FGF14: variants seen among roughly 807,000 people sequenced by gnomAD.
FGF14 encodes fibroblast growth factor homologous factor 4.
FGF14 carries 5 observed loss-of-function variants against 25.5 expected under a neutral mutation model. The ratio of observed to expected loss-of-function variants is 0.20; its 90% CI spans 0.10 to 0.41. FGF14 has a LOEUF of 0.41. FGF14 is among the 10% of genes least tolerant of loss of function. FGF14 has a pLI of 1.00. For synonymous variants in FGF14, 138 were observed against 118.3 expected (o/e 1.17, Z -1.08); for missense variants, 222 against 320.1 (o/e 0.69, Z 2.34).
intron 1 of FGF14, among the ~76,000 whole-genome samples, chr13:101,884,632 G>A (rs1374165405): frequency 2.6e-5 from 4 of 152,002 alleles, no homozygotes; most frequent in Admixed American, 2.0e-4. Flanking sequence ...TAGCTATCCT[G>A]TGTAAGAATC....
intron 3 of FGF14, among the ~76,000 whole-genome samples, chr13:101,848,626 C>A (rs1056378738): frequency 4.0e-5 from 6 of 151,820 alleles, no homozygotes; most frequent in African/African-American, 1.2e-4. Flanking sequence ...GAGACTATAA[C>A]CATGAAAGTC....
At chr13:101,801,551 CA>C (rs1470677740) in intron 3 of FGF14, among the ~76,000 whole-genome samples, 2 of 152,128 alleles carry the variant, frequency 1.3e-5, no homozygotes, top group Non-Finnish European at 2.9e-5. Flanking sequence ...TCATTTCTTG[CA>C]GACCCATGTG....
At chr13:102,273,550 T>C (rs559036432) in intron 1 of FGF14, among the ~76,000 whole-genome samples, 1 of 152,336 alleles carries the variant, frequency 6.6e-6, no homozygotes, top group African/African-American at 2.4e-5. Flanking sequence ...TAAAAAATAG[T>C]TACATTTTCA....
chr13:101,812,653 A>ATTTTTT (rs869237724), intron 3 of FGF14, among the ~76,000 whole-genome samples: 2 of 11,612 alleles, frequency 1.7e-4, no homozygotes, highest in African/African-American at 2.8e-4. Flanking sequence ...ATATATATAT[A>ATTTTTT]TTTTTTTTTT....
intron 3 of FGF14, among the ~76,000 whole-genome samples, chr13:101,739,567 G>A (rs2149258): frequency 0.27 from 40,628 of 151,978 alleles, 6,042 homozygotes; most frequent in East Asian, 0.49. Context: ...GCAGCGTGAA[G>A]AATATTCCTG....
At chr13:102,176,374 A>G (rs1291695190) in intron 1 of FGF14, among the ~76,000 whole-genome samples, 1 of 152,150 alleles carries the variant, frequency 6.6e-6, no homozygotes, top group African/African-American at 2.4e-5. Flanking sequence ...CAATGGGTAC[A>G]CATGAATAGA....
At chr13:101,919,861 G>C (rs914682243), upstream of FGF14, among the ~76,000 whole-genome samples, 2 of 151,456 alleles carry the variant, frequency 1.3e-5, no homozygotes, top group Admixed American at 6.6e-5. Flanking sequence ...TTTCTTTCTC[G>C]AGCGTCCCGA....
chr13:102,067,103 T>TC lies in FGF14; in HGVS notation c.209-191808dup, dbSNP rs2042935535. Reference sequence around the variant, plus strand: ...TAGCAGGGCTTATGAAGTCACATTTTCCCCCACATCCTCATGAACAGTAGT... The same window carrying TC: ...TAGCAGGGCTTATGAAGTCACATTTTCCCCCCACATCCTCATGAACAGTAGT... On this transcript the variant is annotated intron_variant, in intron 1 of 4. Coordinates refer to the FGF14 transcript ENST00000376131. Among the ~76,000 whole-genome samples the TC allele has an allele frequency of 5.3e-5, 8 of 152,232 alleles. No homozygotes were observed. In the South Asian group the frequency reaches 1.7e-3, roughly 32 times the overall value.
At position 101,783,872 on chromosome 13, in the gene FGF14, G is replaced by A. The variant is rs137860827; in HGVS notation, c.409-57062C>T. Among the ~76,000 whole-genome samples the A allele has an allele frequency of 1.2e-4, 19 of 152,220 alleles. No individual in the cohort carries two copies. In the East Asian group the frequency reaches 3.7e-3, roughly 29 times the overall value. On this transcript the variant is annotated intron_variant, in intron 3 of 4. Transcript: ENST00000376143. ...TTTTTGTATATGGTGCAAGAAAAGG[G>A]CCCAGTTTTAATCTTCTGCATATGG... is the stretch of plus-strand genomic sequence containing the variant.
At chr13:102,324,102 GATA>G (rs781284388) in intron 1 of FGF14, among the ~76,000 whole-genome samples, 34 of 151,658 alleles carry the variant, frequency 2.2e-4, no homozygotes, top group Middle Eastern at 6.8e-3. Context: ...AGAAAGCTAT[GATA>G]ATATTTTTAC....
chr13:102,304,900 T>C (rs369532183), intron 1 of FGF14, among the ~76,000 whole-genome samples: 16 of 152,158 alleles, frequency 1.1e-4, no homozygotes, highest in African/African-American at 3.9e-4. Context: ...GCCTGAACCA[T>C]CCAGCTAAGA....
At chr13:101,789,370 G>A (rs531456201) in intron 3 of FGF14, among the ~76,000 whole-genome samples, 1 of 152,084 alleles carries the variant, frequency 6.6e-6, no homozygotes, top group South Asian at 2.1e-4. Context: ...GAGATTCATA[G>A]GTGCCTTCAT....
At chr13:102,344,472 T>C (rs1594903922) in intron 1 of FGF14, among the ~76,000 whole-genome samples, 1 of 152,368 alleles carries the variant, frequency 6.6e-6, no homozygotes, top group East Asian at 1.9e-4. Flanking sequence ...TTGAAAAATG[T>C]ATTTTTAAAA....
chr13:101,750,746 T>A (rs2037218212), intron 3 of FGF14, among the ~76,000 whole-genome samples: 1 of 152,138 alleles, frequency 6.6e-6, no homozygotes, highest in South Asian at 2.1e-4. Flanking sequence ...TTGGTGTAAA[T>A]GTTCATGGCA....
At chr13:101,887,779 T>A (rs771716332) in intron 1 of FGF14, among the ~76,000 whole-genome samples, 1 of 152,194 alleles carries the variant, frequency 6.6e-6, no homozygotes, top group Non-Finnish European at 1.5e-5. Flanking sequence ...TTTGAGGCAA[T>A]GGATATCCTA....
At chr13:101,739,111 GTA>G (rs3064690) in intron 3 of FGF14, among the ~76,000 whole-genome samples, 107,068 of 137,746 alleles carry the variant, frequency 0.78, 41,893 homozygotes, top group East Asian at 0.93. Context: ...ATATATACAT[GTA>G]TATATATATA....
intron 3 of FGF14, among the ~76,000 whole-genome samples, chr13:101,733,264 G>T (rs2035929799): frequency 6.6e-6 from 1 of 152,088 alleles, no homozygotes; most frequent in African/African-American, 2.4e-5. Context: ...AATTGGTTGT[G>T]TGTGTACCTC....
intron 1 of FGF14, among the ~76,000 whole-genome samples, chr13:101,974,861 A>G (rs960038410): frequency 6.6e-6 from 1 of 152,192 alleles, no homozygotes; most frequent in Non-Finnish European, 1.5e-5. Flanking sequence ...ATGTGTGTCC[A>G]GGCCCAGATC....
chr13:102,319,033 G>A (rs1380346355), intron 1 of FGF14, among the ~76,000 whole-genome samples: 3 of 152,174 alleles, frequency 2.0e-5, no homozygotes, highest in Non-Finnish European at 4.4e-5. Flanking sequence ...GTTGCTGCGA[G>A]CTTTCTGAGG....
Sources: allele counts gnomAD v4.1 joint callset (sites outside exome capture counted in the v4.1 genomes callset), GRCh38; gene constraint gnomAD v4.1.1; transcripts MANE v1.5; gene names NCBI Gene and HGNC (gene_info 2026-07-23, HGNC 2026-07-21).